NMBR: variants seen among roughly 807,000 people sequenced by gnomAD.
NMBR encodes the protein neuromedin-B receptor.
NMBR carries 16 observed loss-of-function variants against 20.5 expected under a neutral mutation model. The observed-to-expected ratio is 0.78, with a 90% CI of 0.53 to 1.19. The LOEUF is 1.19. Among genes scored for constraint, NMBR ranks in the 50% most tolerant of loss-of-function variants. The pLI is 0.00. For missense variants in NMBR, 582 were observed against 499.1 expected (o/e 1.17, Z -1.58); for synonymous variants, 212 against 196.6 (o/e 1.08, Z -0.65).
Position 142,083,282 on chromosome 6 carries a change from A to T in NMBR, c.423-4379T>A, listed in dbSNP as rs542745065. On this transcript the variant is annotated intron_variant, in intron 2 of 3. Transcript: ENST00000258042. ...ATTCTGTTTCTATGGTTATATAAAA[A>T]TAACAGAGAATTGGTTATGGAAAGC... 9.8e-5 allele frequency among the ~76,000 whole-genome samples: 15 copies of T among 152,378 alleles called. No homozygotes were observed. In the East Asian group the frequency reaches 2.1e-3, roughly 22 times the overall value.
intron 3 of NMBR, among the ~76,000 whole-genome samples, chr6:142,078,291 G>T (rs552298462): frequency 3.5e-4 from 53 of 152,268 alleles, no homozygotes; most frequent in African/African-American, 1.3e-3. Flanking sequence ...TGTAAAACAG[G>T]CCTTTCAATA....
intron 2 of NMBR, among the ~76,000 whole-genome samples, chr6:142,079,436 C>A (rs1328022390): frequency 6.6e-6 from 1 of 152,140 alleles, no homozygotes; most frequent in Non-Finnish European, 1.5e-5. Context: ...AAATCCTAGT[C>A]ATTTCATTTC....
chr6:142,131,722 T>C (rs1390920928), intron 1 of NMBR, among the ~76,000 whole-genome samples: 1 of 152,208 alleles, frequency 6.6e-6, no homozygotes, highest in Non-Finnish European at 1.5e-5. Context: ...ATTGGCATTA[T>C]TTGGCCCTCA....
chr6:142,146,692 A>G (rs1778444148), intron 1 of NMBR, among the ~76,000 whole-genome samples: 3 of 152,254 alleles, frequency 2.0e-5, no homozygotes, highest in African/African-American at 7.2e-5. Context: ...ATCTTCTTTA[A>G]GCTTCATATG....
intron 1 of NMBR, among the ~76,000 whole-genome samples, chr6:142,138,182 A>C (rs183239842): frequency 4.9e-4 from 74 of 152,300 alleles, no homozygotes; most frequent in Admixed American, 8.5e-4. Context: ...TATTATTTAA[A>C]ATCCTTATGT....
At position 142,078,821 on chromosome 6, in the gene NMBR, C is replaced by T. The variant is rs1385476873; in HGVS notation, c.505G>A (p.Val169Met). The T allele has an allele frequency of 2.5e-6, 4 of 1,613,794 alleles. No individual in the cohort carries two copies. The highest frequency in any genetic ancestry group is 1.7e-5 in the Admixed American group (1 of 59,968). ...RTCVKAMGIW[V>M]VSVLLAVPEA... ...GGAACTGCCAGCAACACGGAGACCA[C>T]CCAGATACCCATGGCCTTCACACAG... Residue 169 changes from valine to methionine, a missense_variant, in exon 3 of 4, where the codon GTG (valine) becomes ATG (methionine). Val to Met is a conservative substitution (Grantham distance 21). Coordinates refer to ENST00000258042, the MANE Select transcript of NMBR (RefSeq NM_002511.4).
At chr6:142,146,101 T>A (rs1778427104) in intron 1 of NMBR, among the ~76,000 whole-genome samples, 1 of 152,186 alleles carries the variant, frequency 6.6e-6, no homozygotes, top group Admixed American at 6.5e-5. Flanking sequence ...GTAGGAAATA[T>A]GCCGCTGAGA....
chr6:142,134,729 T>G (rs1324150148), intron 1 of NMBR: 4 of 691,528 alleles, frequency 5.8e-6, no homozygotes, highest in South Asian at 4.6e-5. Flanking sequence ...GGTTTCCAAG[T>G]AAAATCTCTT....
At chr6:142,083,015 C>A (rs1215903035) in intron 2 of NMBR, among the ~76,000 whole-genome samples, 1 of 152,142 alleles carries the variant, frequency 6.6e-6, no homozygotes, top group African/African-American at 2.4e-5. Context: ...GAATAATCTT[C>A]AAAAGCTATA....
Position 142,109,086 on chromosome 6 carries a change from A to G in NMBR, c.-663-19765T>C, listed in dbSNP as rs112442072. On this transcript the variant is annotated intron_variant, in intron 1 of 3. Transcript: ENST00000258042. ...GGCTTCCACAGCCTTGGGCAGCTCC[A>G]ACCCTGTGGCTTTGCAGGGTACAGC... 2.1e-3 allele frequency among the ~76,000 whole-genome samples: 323 copies of G among 152,284 alleles called. 1 individual carries two copies. The highest frequency in any genetic ancestry group is 7.1e-3 in the African/African-American group (296 of 41,570).
intron 1 of NMBR, among the ~76,000 whole-genome samples, chr6:142,114,610 C>G (rs946008835): frequency 6.6e-6 from 1 of 151,922 alleles, no homozygotes; most frequent in Non-Finnish European, 1.5e-5. Context: ...ATTTACATGA[C>G]GTATTGACTT....
At chr6:142,121,394 C>T (rs183658309) in intron 1 of NMBR, among the ~76,000 whole-genome samples, 79 of 152,028 alleles carry the variant, frequency 5.2e-4, no homozygotes, top group African/African-American at 1.9e-3. Context: ...GAAAGCATGA[C>T]CAAAGCCAAG....
intron 1 of NMBR, among the ~76,000 whole-genome samples, chr6:142,132,881 G>A (rs1453949807): frequency 6.6e-6 from 1 of 152,148 alleles, no homozygotes. Context: ...TGGCTGGCTG[G>A]CTATGCTGAC....
intron 1 of NMBR, among the ~76,000 whole-genome samples, chr6:142,102,389 CAAAA>C (rs534698007): frequency 2.6e-5 from 2 of 76,468 alleles, no homozygotes; most frequent in Admixed American, 1.6e-4. Flanking sequence ...CACTCTGTCT[CAAAA>C]AAAAAAAAAA....
chr6:142,119,007 T>C (rs1464182420), intron 1 of NMBR, among the ~76,000 whole-genome samples: 1 of 152,028 alleles, frequency 6.6e-6, no homozygotes, highest in African/African-American at 2.4e-5. Context: ...CAGAAACACC[T>C]GCAATGTCAT....
intron 2 of NMBR, 54 bp from the exon 3 acceptor site, chr6:142,078,957 G>A: frequency 8.9e-7 from 1 of 1,119,704 alleles, no homozygotes; most frequent in South Asian, 2.5e-5. Flanking sequence ...AGAAAAAAGA[G>A]AAAGAAAAGA....
chr6:142,085,482 C>T (rs1312521614), intron 2 of NMBR, among the ~76,000 whole-genome samples: 1 of 152,082 alleles, frequency 6.6e-6, no homozygotes, highest in Non-Finnish European at 1.5e-5. Flanking sequence ...CGAGATCGCA[C>T]CCCTACACTC....
At chr6:142,138,065 T>G (rs1778294758) in intron 1 of NMBR, among the ~76,000 whole-genome samples, 1 of 152,140 alleles carries the variant, frequency 6.6e-6, no homozygotes, top group Admixed American at 6.6e-5. Context: ...TTATATTAAG[T>G]TAGACTTCCT....
intron 1 of NMBR, among the ~76,000 whole-genome samples, chr6:142,131,153 T>C (rs1318055944): frequency 2.0e-5 from 3 of 152,174 alleles, no homozygotes; most frequent in Non-Finnish European, 2.9e-5. Flanking sequence ...CATCCAGATA[T>C]AATGCAAATC....
Sources: allele counts gnomAD v4.1 joint callset (sites outside exome capture counted in the v4.1 genomes callset), GRCh38; gene constraint gnomAD v4.1.1; transcripts MANE v1.5; gene names NCBI Gene and HGNC (gene_info 2026-07-23, HGNC 2026-07-21).